TPR: variants seen among roughly 807,000 people sequenced by gnomAD.
TPR encodes the protein nucleoprotein TPR.
A neutral mutation model predicts 316.1 loss-of-function variants in TPR; 51 were observed. The ratio of observed to expected loss-of-function variants is 0.16; its 90% CI spans 0.13 to 0.20. The LOEUF is 0.20. TPR is among the 10% of genes least tolerant of loss of function. TPR has a pLI of 1.00. For missense variants in TPR, 2,272 were observed against 2,754.8 expected (o/e 0.82, Z 3.92); for synonymous variants, 981 against 914.7 (o/e 1.07, Z -1.31).
At chr1:186,324,736 T>C (rs905395918) in intron 42 of TPR, among the ~76,000 whole-genome samples, 6 of 152,032 alleles carry the variant, frequency 3.9e-5, no homozygotes, top group Non-Finnish European at 5.9e-5. Flanking sequence ...AATCCATCCA[T>C]TAATTTTGTT....
In TPR at chr1:186,323,781, G is replaced by A. The variant is rs745946600; in HGVS notation, c.6202C>T (p.Pro2068Ser). The A allele has an allele frequency of 1.3e-6, 2 of 1,543,230 alleles. No individual in the cohort carries two copies. The highest frequency in any genetic ancestry group is 2.3e-5 in the Admixed American group (1 of 42,760). The change falls in exon 43 of 51, where the codon CCT becomes TCT. Residue 2068 changes from proline to serine, a missense_variant. Physicochemically the swap from Pro to Ser is moderately conservative, Grantham distance 74. Coordinates refer to ENST00000367478, the MANE Select transcript of TPR (RefSeq NM_003292.3). ...QPSSASERQA[P>S]RAPQSPRRPP... ...CGTCTCGGTGACTGAGGTGCTCGAGGGGCCTGTCTTTCAGATGCTGATGAT... is the reference window on the plus strand; with the variant it reads ...CGTCTCGGTGACTGAGGTGCTCGAGAGGCCTGTCTTTCAGATGCTGATGAT...
intron 33 of TPR, among the ~76,000 whole-genome samples, chr1:186,335,955 T>A (rs3766707): frequency 0.19 from 28,403 of 151,978 alleles, 3,009 homozygotes; most frequent in African/African-American, 0.29. Flanking sequence ...GAGATCATTT[T>A]AAAAAAATGC....
intron 21 of TPR, 90 bp downstream of exon 21, chr1:186,350,133 A>C (rs1422757040): frequency 1.4e-5 from 17 of 1,220,476 alleles, no homozygotes; most frequent in Non-Finnish European, 1.9e-5. Flanking sequence ...AGCATTCACA[A>C]AGAATTAGGC....
At position 186,367,060 on chromosome 1, in the gene TPR, CTTTTTTTT is replaced by C. The variant is rs71104854; in HGVS notation, c.427+818_427+825del. 4.5e-5 allele frequency among the ~76,000 whole-genome samples: 4 copies of C among 89,550 alleles called. 1 individual carries two copies. The highest frequency in any genetic ancestry group is 5.9e-4 in the East Asian group (2 of 3,386). The allele number at this position is 89,550 out of a possible 152,430, so 58.7% of individuals were successfully genotyped here. A position where few individuals can be genotyped will look rare whatever the true frequency, so the allele number is the denominator to read the frequency against. On this transcript the variant is annotated intron_variant, in intron 4 of 50. Coordinates refer to ENST00000367478, the MANE Select transcript of TPR (RefSeq NM_003292.3). Reference sequence around the variant, plus strand: ...TTAAAAAAAAAAGAACCCAAAACACCTTTTTTTTTTTTTTTTTTTTTTTTGATACGGAG... The same window carrying C: ...TTAAAAAAAAAAGAACCCAAAACACCTTTTTTTTTTTTTTTTGATACGGAG...
intron 15 of TPR, 68 bp from the exon 16 acceptor site, chr1:186,355,836 C>A: frequency 6.5e-7 from 1 of 1,534,464 alleles, no homozygotes; most frequent in Non-Finnish European, 8.9e-7. Context: ...TCTAATGCTT[C>A]TTTGCAAATA....
chr1:186,325,326 A>T (rs1252355536), intron 42 of TPR, among the ~76,000 whole-genome samples: 1 of 152,188 alleles, frequency 6.6e-6, no homozygotes. Context: ...AAGATTTAAC[A>T]AAATATATGC....
At chr1:186,351,184 A>T in intron 20 of TPR, 146 bp downstream of exon 20, 2 of 787,152 alleles carry the variant, frequency 2.5e-6, no homozygotes, top group Non-Finnish European at 3.6e-6. Context: ...CAATAAAAAA[A>T]TTACTGGGTA....
chr1:186,326,171 C>A lies in TPR; in HGVS notation c.5954G>T (p.Gly1985Val), dbSNP rs771855406. Residue 1985 changes from glycine to valine, a missense_variant, in exon 41 of 51, where the codon GGT becomes GTT. Gly to Val is a moderately radical substitution (Grantham distance 109). Transcript: ENST00000367478. Reference protein sequence around the residue: ...DEDDTGMGDEGEDSNEGTGSA... With the variant: ...DEDDTGMGDEVEDSNEGTGSA... ...ACCAGTTCCTTCATTACTATCTTCA[C>A]CCTCATCTCCCATCCCTGTGTCATC... 3.7e-6 allele frequency: 6 copies of A among 1,610,606 alleles called. No homozygotes were observed. The highest frequency in any genetic ancestry group is 5.1e-6 in the Non-Finnish European group (6 of 1,177,002).
chr1:186,355,209 C>T (rs1173136908), intron 17 of TPR, among the ~76,000 whole-genome samples: 2 of 152,122 alleles, frequency 1.3e-5, no homozygotes, highest in East Asian at 1.9e-4. Flanking sequence ...CTGGCTTCAA[C>T]TTATCAAACA....
chr1:186,372,497 G>A (rs1375549499), intron 2 of TPR, among the ~76,000 whole-genome samples: 1 of 151,812 alleles, frequency 6.6e-6, no homozygotes, highest in Non-Finnish European at 1.5e-5. Context: ...AGCCAAGATT[G>A]CACCACTGCA....
At chr1:186,341,419 A>C (rs1265549372) in intron 27 of TPR, 30 bp from the exon 28 acceptor site, 2 of 1,599,878 alleles carry the variant, frequency 1.3e-6, no homozygotes, top group Non-Finnish European at 1.7e-6. Context: ...ATACATACCA[A>C]CATCTAACAA....
At position 186,325,817 on chromosome 1, in the gene TPR, T is replaced by C. The variant is rs1261551922; in HGVS notation, c.6059A>G (p.Glu2020Gly). ...ATTACCTTCACCTCCACCCATACTT[T>C]CTTCTGTTTCTGTACCTGGATCAGT... ...DGTDPGTETEESMGGGEGNHR... is the reference protein window; with the variant it reads ...DGTDPGTETEGSMGGGEGNHR... The change falls in exon 42 of 51, where the codon GAA becomes GGA. Residue 2020 changes from glutamate (E) to glycine (G), a missense_variant. Transcript: ENST00000367478. 1.2e-6 allele frequency: 2 copies of C among 1,613,726 alleles called. No individual in the cohort carries two copies. The highest frequency in any genetic ancestry group is 8.5e-7 in the Non-Finnish European group (1 of 1,179,764).
intron 1 of TPR, among the ~76,000 whole-genome samples, chr1:186,373,728 G>A (rs764084004): frequency 6.6e-6 from 1 of 152,094 alleles, no homozygotes; most frequent in Non-Finnish European, 1.5e-5. Flanking sequence ...TTCAAGGCAG[G>A]TAACCTCATT....
intron 18 of TPR, 37 bp downstream of exon 18, chr1:186,353,651 C>T (rs1658939313): frequency 6.3e-7 from 1 of 1,590,018 alleles, no homozygotes; most frequent in African/African-American, 1.4e-5. Context: ...TCAAATGCAA[C>T]TTATAATGCA....
chr1:186,353,565 T>C (rs539587137), intron 18 of TPR, 123 bp downstream of exon 18: 2 of 1,046,986 alleles, frequency 1.9e-6, no homozygotes, highest in Middle Eastern at 2.4e-4. Flanking sequence ...TATTAATTAC[T>C]TGGTGTAACC....
At chr1:186,330,783 T>C (rs1035350763) in intron 39 of TPR, among the ~76,000 whole-genome samples, 2 of 152,094 alleles carry the variant, frequency 1.3e-5, no homozygotes, top group African/African-American at 4.8e-5. Context: ...TTAGCCACCC[T>C]GGGGGTCTTC....
At position 186,318,400 on chromosome 1, in the gene TPR, A is replaced by G. The variant is rs745653248; in HGVS notation, c.6821+47T>C. 1.5e-5 allele frequency: 23 copies of G among 1,573,688 alleles called. No homozygotes were observed. The East Asian group carries it at 3.1e-4, about 21-fold the overall frequency. On this transcript the variant is annotated intron_variant, in intron 48 of 50. Transcript: ENST00000367478. ...TTGGCTAAAGGAAAACAAATGTACAAGTCTGTTGAGACTAAAGCAAGCAAA... is the reference window on the plus strand; with the variant it reads ...TTGGCTAAAGGAAAACAAATGTACAGGTCTGTTGAGACTAAAGCAAGCAAA...
chr1:186,332,160 TA>T (rs1219287928), intron 38 of TPR, 34 bp downstream of exon 38: 1 of 1,583,614 alleles, frequency 6.3e-7, no homozygotes, highest in Non-Finnish European at 8.6e-7. Flanking sequence ...ACTCTACTGG[TA>T]AAAGTTAAAA....
rs767846208 is a variant in TPR at position 186,359,938 on chromosome 1, T to C, written c.1250A>G (p.Lys417Arg). The change falls in exon 12 of 51, where the codon AAA (lysine) becomes AGA (arginine). Residue 417 changes from lysine (K) to arginine (R), a missense_variant. Physicochemically the swap from Lys to Arg is conservative, Grantham distance 26. Transcript: ENST00000367478. ...TTCATCTAGGTACTTATTAATTCTT[T>C]TGTTCTCTAGTTTCTCCAAAAGCAA... Reference protein sequence around the residue: ...DQLLLEKLENKRINKYLDEIV... With the variant: ...DQLLLEKLENRRINKYLDEIV... 2 of 1,609,368 alleles carry C rather than the reference T, an allele frequency of 1.2e-6. No homozygotes were observed. Among genetic ancestry groups the C allele is most frequent in the Admixed American group, 3.4e-5 (2 of 58,604 alleles).
Sources: allele counts gnomAD v4.1 joint callset (sites outside exome capture counted in the v4.1 genomes callset), GRCh38; gene constraint gnomAD v4.1.1; transcripts MANE v1.5; gene names NCBI Gene and HGNC (gene_info 2026-07-23, HGNC 2026-07-21).